The following PI4KA variants were observed in gnomAD, a reference collection of about 807,000 sequenced individuals.
PI4KA encodes phosphatidylinositol 4-kinase alpha.
Under a neutral mutation model 271.4 loss-of-function variants are expected in PI4KA, and 122 were observed. The ratio of observed to expected loss-of-function variants is 0.45; its 90% CI spans 0.39 to 0.52. PI4KA has a LOEUF of 0.52. Among genes scored for constraint, PI4KA ranks in the 20% least tolerant of loss-of-function variants. The pLI is 0.00. For synonymous variants in PI4KA, 1,041 were observed against 1,078.8 expected, an observed-to-expected ratio of 0.96 and a Z score of 0.69; for missense variants, 1,969 against 2,769.1, an observed-to-expected ratio of 0.71 and a Z score of 6.48.
rs143298789 is a variant in PI4KA at position 20,726,589 on chromosome 22, C to T, written c.4942-48G>A. ...GCCATGACTTCTGAGAGCAGAGCCA[C>T]CCAACCCTACGGCCCAGGCCCTGCC... On this transcript the variant is annotated intron_variant, in intron 41 of 54. Transcript: ENST00000255882. 1.1e-3 allele frequency: 1,727 copies of T among 1,517,044 alleles called. 16 individuals are homozygous for T. The African/African-American group carries it at 0.021, about 18-fold the overall frequency. 94.0% of individuals were successfully genotyped at this position (1,517,044 alleles called of 1,614,324 possible).
chr22:20,850,015 T>C (rs376748390), intron 1 of PI4KA, among the ~76,000 whole-genome samples: 130 of 152,312 alleles, frequency 8.5e-4, no homozygotes, highest in African/African-American at 2.8e-3. Context: ...AGGTTTCTTT[T>C]GAGGGCAATG....
chr22:20,717,177 AAAC>A (rs995496032), intron 45 of PI4KA, among the ~76,000 whole-genome samples: 13 of 152,150 alleles, frequency 8.5e-5, no homozygotes, highest in African/African-American at 1.9e-4. Context: ...CATCTCAAAA[AAAC>A]AACAACAAAA....
chr22:20,721,486 T>G (rs1189594387), intron 42 of PI4KA, 68 bp from the exon 43 acceptor site: 1 of 1,566,162 alleles, frequency 6.4e-7, no homozygotes, highest in South Asian at 1.1e-5. Flanking sequence ...TGTCAGCAGC[T>G]GCTGACTCCC....
chr22:20,824,730 A>T, intron 3 of PI4KA, among the ~76,000 whole-genome samples: 1 of 129,864 alleles, frequency 7.7e-6, no homozygotes, highest in Admixed American at 8.6e-5. Context: ...AAATGTGATA[A>T]ATCACACACA....
chr22:20,712,203 G>A lies in PI4KA; in HGVS notation c.5802+283C>T, dbSNP rs548710241. On this transcript the variant is annotated intron_variant, in intron 50 of 54. Transcript: ENST00000255882. ...CTCCTGAGTAGCTGGGACTGCAGGC[G>A]CGTGCCACTATGCCCAGCTAATTTT... The A allele has an allele frequency of 3.7e-5, 7 of 191,060 alleles. No individual in the cohort carries two copies. The East Asian group carries it at 5.7e-4, about 15-fold the overall frequency. 11.8% of individuals were successfully genotyped at this position (191,060 alleles called of 1,614,324 possible). A position where few individuals can be genotyped will look rare whatever the true frequency, so the allele number is the denominator to read the frequency against.
At position 20,763,973 on chromosome 22, in the gene PI4KA, G is replaced by A. The variant is rs554185816; in HGVS notation, c.2708+844C>T. ...AGGACTATTTTACTAGAGGGTTGGT[G>A]GCAACAATGAAAGGCTAAAATAGTG... On this transcript the variant is annotated intron_variant, in intron 22 of 54. Transcript: ENST00000255882. Among the ~76,000 whole-genome samples, 11 of 152,264 alleles carry A rather than the reference G, an allele frequency of 7.2e-5. 1 individual carries two copies. Among genetic ancestry groups the A allele is most frequent in the African/African-American group, 2.2e-4 (9 of 41,552 alleles).
At chr22:20,728,656 C>A (rs796691732) in intron 39 of PI4KA, among the ~76,000 whole-genome samples, 22 of 152,220 alleles carry the variant, frequency 1.4e-4, no homozygotes, top group African/African-American at 5.1e-4. Context: ...TGCTTTGAGA[C>A]AATGCAGAGC....
intron 16 of PI4KA, 131 bp downstream of exon 16, chr22:20,798,962 G>A (rs370501127): frequency 2.0e-4 from 145 of 723,980 alleles, no homozygotes; most frequent in Non-Finnish European, 2.2e-4. Context: ...TTACTACTCC[G>A]CATTAAAACC....
chr22:20,762,205 G>A (rs1290878453), intron 22 of PI4KA, among the ~76,000 whole-genome samples: 4 of 152,144 alleles, frequency 2.6e-5, no homozygotes, highest in African/African-American at 7.2e-5. Context: ...AGGCAGCAGC[G>A]GCTCGGCAGG....
intron 43 of PI4KA, 26 bp from the exon 44 acceptor site, chr22:20,718,848 G>A (rs1450955271): frequency 6.2e-7 from 1 of 1,612,072 alleles, no homozygotes; most frequent in East Asian, 2.2e-5. Context: ...AGAGGCTTAA[G>A]TCTCTGTGGC....
At chr22:20,826,273 G>C (rs988489510) in intron 3 of PI4KA, among the ~76,000 whole-genome samples, 9 of 152,198 alleles carry the variant, frequency 5.9e-5, no homozygotes, top group South Asian at 4.1e-4. Flanking sequence ...AACCTGGGAG[G>C]CGAGGGTTGC....
intron 1 of PI4KA, among the ~76,000 whole-genome samples, chr22:20,842,184 C>A (rs967232697): frequency 6.6e-6 from 1 of 151,590 alleles, no homozygotes; most frequent in African/African-American, 2.4e-5. Context: ...GCTGAGATTG[C>A]GCCACTGCAC....
intron 19 of PI4KA, among the ~76,000 whole-genome samples, chr22:20,791,824 G>T (rs1224754310): frequency 1.3e-5 from 2 of 152,196 alleles, no homozygotes; most frequent in African/African-American, 2.4e-5. Context: ...TGGCAGGCCG[G>T]GCGCGGCAGC....
rs1934978002 is a variant in PI4KA, at chr22:20,796,256, C to T, written c.2167G>A (p.Glu723Lys). Reference sequence around the variant, plus strand: ...ATGAGCAGCTCATCCACCAGGTGCTCGTCTTGGATGTTGGCCGCGATGTTG... The same window carrying T: ...ATGAGCAGCTCATCCACCAGGTGCTTGTCTTGGATGTTGGCCGCGATGTTG... ...LANIAANIQD[E>K]HLVDELLMNL... The change falls in exon 18 of 55, where the codon GAG becomes AAG. Residue 723 changes from glutamate (E) to lysine (K), a missense_variant. Glu to Lys is a moderately conservative substitution (Grantham distance 56, BLOSUM62 1). Coordinates refer to ENST00000255882, the MANE Select transcript of PI4KA (RefSeq NM_058004.4). 6.2e-7 allele frequency: 1 copy of T among 1,614,136 alleles called. No homozygotes were observed. The highest frequency in any genetic ancestry group is 8.5e-7 in the Non-Finnish European group (1 of 1,180,014).
chr22:20,835,581 T>TATTA (rs1256592625), intron 2 of PI4KA, among the ~76,000 whole-genome samples: 3 of 151,650 alleles, frequency 2.0e-5, no homozygotes, highest in Non-Finnish European at 4.4e-5. Context: ...AAAATACAAG[T>TATTA]ATTAGCTGGG....
chr22:20,771,846 T>A (rs146581912), intron 19 of PI4KA, among the ~76,000 whole-genome samples: 4,518 of 152,120 alleles, frequency 0.03, 89 homozygotes, highest in Middle Eastern at 0.061. Flanking sequence ...CCTCTCAAAG[T>A]GCTGGGATTA....
In PI4KA at chr22:20,765,662, G is replaced by C; in HGVS notation, c.2360C>G (p.Ala787Gly). 1 of 1,611,762 alleles carries C rather than the reference G, an allele frequency of 6.2e-7. No individual in the cohort carries two copies. Among genetic ancestry groups the C allele is most frequent in the Non-Finnish European group, 8.5e-7 (1 of 1,177,992 alleles). The part of the protein sequence containing the change: ...LTRRLPPIKE[A>G]KPRLQKLFRD... ...GAAGAGCTTCTGTAACCGAGGCTTA[G>C]CTTCTTTGATGGGTGGCAGTCGTCG... Residue 787 changes from alanine (A) to glycine (G), a missense_variant, in exon 20 of 55, where the codon GCT (alanine) becomes GGT (glycine). Around this residue, in one of 13 missense-constraint regions of PI4KA, gnomAD observed 368 missense variants for 544.3 expected, o/e 0.68. Transcript: ENST00000255882.
chr22:20,724,127 T>C (rs1206309261), intron 42 of PI4KA, among the ~76,000 whole-genome samples: 2 of 139,456 alleles, frequency 1.4e-5, no homozygotes, highest in Non-Finnish European at 3.1e-5. Context: ...CGTGAGCCAC[T>C]GCGCCTAGCC....
chr22:20,799,145 G>C lies in PI4KA; in HGVS notation c.1952C>G (p.Pro651Arg), dbSNP rs150004135. The change falls in exon 16 of 55, where the codon CCC becomes CGC. Residue 651 changes from proline (P) to arginine (R), a missense_variant. Pro to Arg is a moderately radical substitution (Grantham distance 103). Around this residue, in one of 13 missense-constraint regions of PI4KA, gnomAD observed 228 missense variants for 261.6 expected, o/e 0.87. Transcript: ENST00000255882. ...CTGGTCAATAATCAGCACATCGAGG[G>C]GGGAGGGTGGCTGGCAGAATTTCTG... ...LQQKFCQPPS[P>R]LDVLIIDQLG... The C allele has an allele frequency of 1.5e-5, 24 of 1,613,150 alleles. No individual in the cohort carries two copies. The highest frequency in any genetic ancestry group is 1.3e-4 in the Admixed American group (8 of 59,808).
Sources: allele counts gnomAD v4.1 joint callset (sites outside exome capture counted in the v4.1 genomes callset), GRCh38; gene constraint gnomAD v4.1.1; regional missense constraint gnomAD v4.1.1; transcripts MANE v1.5; gene names NCBI Gene and HGNC (gene_info 2026-07-23, HGNC 2026-07-21).